The following AGO4 variants were observed in gnomAD, a reference collection of about 807,000 sequenced individuals.
AGO4 encodes the protein protein argonaute-4.
In AGO4, 33 loss-of-function variants were observed where a neutral mutation model predicts 104.7. That is an observed-to-expected ratio of 0.32 (90% confidence interval 0.24 to 0.42). The LOEUF (loss-of-function observed/expected upper bound fraction) is 0.42. Among genes scored for constraint, AGO4 ranks in the 10% least tolerant of loss-of-function variants. AGO4 has a pLI of 1.00. For missense variants in AGO4, 711 were observed against 1,083.4 expected (o/e 0.66, Z 4.83); for synonymous variants, 331 against 364.7 (o/e 0.91, Z 1.05).
intron 7 of AGO4, among the ~76,000 whole-genome samples, chr1:35,828,010 G>A (rs1644073077): frequency 1.3e-5 from 2 of 151,814 alleles, no homozygotes; most frequent in Non-Finnish European, 2.9e-5. Context: ...CTCCCAAAGT[G>A]CTGGGACTAC....
intron 4 of AGO4, 81 bp from the exon 5 acceptor site, chr1:35,825,598 A>T (rs534445540): frequency 6.5e-7 from 1 of 1,534,476 alleles, no homozygotes; most frequent in African/African-American, 1.4e-5. Context: ...TTCAAATTTG[A>T]TTTCAGCTCC....
At chr1:35,835,730 G>A in intron 12 of AGO4, 104 bp from the exon 13 acceptor site, 2 of 985,410 alleles carry the variant, frequency 2.0e-6, no homozygotes, top group Non-Finnish European at 2.9e-6. Context: ...ACAGTGTACA[G>A]TATATAGTAG....
chr1:35,821,754 C>T (rs778960507), intron 2 of AGO4, among the ~76,000 whole-genome samples: 3 of 152,104 alleles, frequency 2.0e-5, no homozygotes, highest in African/African-American at 4.8e-5. Flanking sequence ...TAAGACAAGA[C>T]GGTATACAGA....
chr1:35,821,871 AAACC>A (rs1643893318), intron 2 of AGO4, among the ~76,000 whole-genome samples: 1 of 151,974 alleles, frequency 6.6e-6, no homozygotes, highest in South Asian at 2.1e-4. Context: ...CTCTTTCTCA[AAACC>A]AATATACTTG....
In AGO4 at chr1:35,831,874, A is replaced by G. The variant is rs1644193894; in HGVS notation, c.1059A>G (p.Thr353=). 1 of 1,614,178 alleles carries G rather than the reference A, an allele frequency of 6.2e-7. No individual in the cohort carries two copies. The highest frequency in any genetic ancestry group is 8.5e-7 in the Non-Finnish European group (1 of 1,180,010). ...AGCTCACAGACAATCAGACTTCCAC[A>G]ATGATCAAAGCTACAGCAAGATCTG... The part of the protein sequence containing the change: ...IKKLTDNQTS[T]MIKATARSAP... Residue 353 remains threonine (T), a synonymous_variant, in exon 9 of 18, where the codon ACA becomes ACG. Coordinates refer to ENST00000373210, the MANE Select transcript of AGO4 (RefSeq NM_017629.4).
intron 15 of AGO4, among the ~76,000 whole-genome samples, chr1:35,843,397 G>T (rs113087234): frequency 6.6e-6 from 1 of 151,992 alleles, no homozygotes; most frequent in Non-Finnish European, 1.5e-5. Context: ...CTGAATCAAG[G>T]TTGTTTTCTC....
At chr1:35,826,521 T>C (rs1644024143) in intron 6 of AGO4, among the ~76,000 whole-genome samples, 1 of 152,180 alleles carries the variant, frequency 6.6e-6, no homozygotes, top group East Asian at 1.9e-4. Context: ...TAATAAATAT[T>C]TATTGGATGA....
chr1:35,842,532 G>A (rs1438292726), intron 15 of AGO4, among the ~76,000 whole-genome samples: 1 of 152,252 alleles, frequency 6.6e-6, no homozygotes, highest in African/African-American at 2.4e-5. Context: ...ACCTGGCGCT[G>A]TGGCTCACGC....
intron 15 of AGO4, among the ~76,000 whole-genome samples, chr1:35,846,245 T>G (rs372518888): frequency 6.6e-6 from 1 of 152,304 alleles, no homozygotes; most frequent in East Asian, 1.9e-4. Flanking sequence ...GCTAGAAACT[T>G]CAGAGTTGTC....
At position 35,857,519 on chromosome 1, in the gene AGO4, G is replaced by C. The variant is rs746496902; in HGVS notation, c.*3914G>C. ...TGGATGTATGTCTCTAGCAATACGA[G>C]GTACTTTCTAAACTATTAAGGGAGG... On this transcript the variant is annotated 3_prime_UTR_variant, in exon 18 of 18. Coordinates refer to ENST00000373210, the MANE Select transcript of AGO4 (RefSeq NM_017629.4). The C allele has an allele frequency of 6.6e-6, 1 of 152,114 alleles. No homozygotes were observed. Among genetic ancestry groups the C allele is most frequent in the Non-Finnish European group, 1.5e-5 (1 of 68,022 alleles). 9.4% of individuals were successfully genotyped at this position (152,114 alleles called of 1,614,324 possible). A position where few individuals can be genotyped will look rare whatever the true frequency, so the allele number is the denominator to read the frequency against.
intron 6 of AGO4, among the ~76,000 whole-genome samples, chr1:35,826,344 G>A (rs980464475): frequency 3.9e-5 from 6 of 152,164 alleles, no homozygotes; most frequent in African/African-American, 1.4e-4. Flanking sequence ...TAAATGCTAT[G>A]CTTACCCACT....
intron 2 of AGO4, among the ~76,000 whole-genome samples, chr1:35,820,787 G>A (rs1325455953): frequency 6.6e-6 from 1 of 152,138 alleles, no homozygotes; most frequent in Non-Finnish European, 1.5e-5. Flanking sequence ...TGATATCCAT[G>A]AGCAGATCAG....
intron 13 of AGO4, among the ~76,000 whole-genome samples, chr1:35,837,840 C>A (rs1028514179): frequency 3.3e-5 from 5 of 152,040 alleles, no homozygotes; most frequent in Non-Finnish European, 1.5e-5. Flanking sequence ...ATTATCTTCT[C>A]CTAGTCTGTG....
rs1644828035 is a variant in AGO4 at position 35,856,838 on chromosome 1, G to T, written c.*3233G>T. On this transcript the variant is annotated 3_prime_UTR_variant, in exon 18 of 18. Coordinates refer to ENST00000373210, the MANE Select transcript of AGO4 (RefSeq NM_017629.4). ...CTGTCTCAAAAAAAAAAAGGGGGGG[G>T]GGGGACATTAAGAGAGTGGTGATGA... 2 of 148,258 alleles carry T rather than the reference G, an allele frequency of 1.3e-5. 1 individual carries two copies. Among genetic ancestry groups the T allele is most frequent in the African/African-American group, 4.9e-5 (2 of 40,466 alleles). 9.2% of individuals were successfully genotyped at this position (148,258 alleles called of 1,614,324 possible).
At chr1:35,820,272 C>T (rs1049551440) in intron 2 of AGO4, among the ~76,000 whole-genome samples, 2 of 152,096 alleles carry the variant, frequency 1.3e-5, no homozygotes, top group Non-Finnish European at 2.9e-5. Context: ...ACAGACAACT[C>T]CTTCAAGGGA....
intron 12 of AGO4, among the ~76,000 whole-genome samples, chr1:35,835,006 CTTTTT>C (rs34516326): frequency 9.7e-6 from 1 of 102,974 alleles, no homozygotes; most frequent in Non-Finnish European, 1.9e-5. Context: ...CAGTTTTAAA[CTTTTT>C]TTTTTTTTTT....
intron 15 of AGO4, among the ~76,000 whole-genome samples, chr1:35,842,903 A>G (rs554756775): frequency 6.6e-6 from 1 of 152,250 alleles, no homozygotes; most frequent in East Asian, 1.9e-4. Flanking sequence ...TGCTTCTTTG[A>G]TATTTTTTAA....
intron 1 of AGO4, among the ~76,000 whole-genome samples, chr1:35,816,160 T>G (rs1643687512): frequency 6.6e-6 from 1 of 152,228 alleles, no homozygotes; most frequent in South Asian, 2.1e-4. Context: ...TTTATAATGA[T>G]GCAGGCTAAT....
Position 35,834,148 on chromosome 1 carries a change from T to G in AGO4, c.1538T>G (p.Ile513Ser). The G allele has an allele frequency of 6.2e-7, 1 of 1,602,804 alleles. No homozygotes were observed. The highest frequency in any genetic ancestry group is 8.5e-7 in the Non-Finnish European group (1 of 1,175,680). ...TYVGLQLIVV[I>S]LPGKTPVYAE... ...GTGGGCCTACAGCTAATAGTGGTTATCCTGCCTGGAAAGACACCAGTATAT... is the reference window on the plus strand; with the variant it reads ...GTGGGCCTACAGCTAATAGTGGTTAGCCTGCCTGGAAAGACACCAGTATAT... The change falls in exon 12 of 18, where the codon ATC (isoleucine) becomes AGC (serine). Residue 513 changes from isoleucine (I) to serine (S), a missense_variant. Around this residue, in one of 3 missense-constraint regions of AGO4, gnomAD observed 401 missense variants for 665.5 expected, o/e 0.60. Coordinates refer to ENST00000373210, the MANE Select transcript of AGO4 (RefSeq NM_017629.4).
Sources: allele counts gnomAD v4.1 joint callset (sites outside exome capture counted in the v4.1 genomes callset), GRCh38; gene constraint gnomAD v4.1.1; regional missense constraint gnomAD v4.1.1; transcripts MANE v1.5; gene names NCBI Gene and HGNC (gene_info 2026-07-23, HGNC 2026-07-21).